Variants in C10orf143 observed in about 807,000 individuals in gnomAD.
C10orf143 encodes chromosome 10 open reading frame 143, also known as uncharacterized protein C10orf143.
At chr10:130,073,493 C>T (rs992174821) in intron 3 of C10orf143, among the ~76,000 whole-genome samples, 13 of 152,194 alleles carry the variant, frequency 8.5e-5, no homozygotes, top group Non-Finnish European at 1.5e-5. Context: ...CAGTTCCCAG[C>T]CCTGGGTGCA....
At chr10:130,100,127 C>T (rs754475257) in intron 1 of C10orf143, among the ~76,000 whole-genome samples, 24 of 151,984 alleles carry the variant, frequency 1.6e-4, no homozygotes, top group Non-Finnish European at 2.4e-4. Flanking sequence ...TGAGCCACCG[C>T]GCCCGGGCTT....
chr10:130,040,341 C>A (rs900532464), intron 3 of C10orf143, among the ~76,000 whole-genome samples: 1 of 152,212 alleles, frequency 6.6e-6, no homozygotes, highest in African/African-American at 2.4e-5. Context: ...CCTAGCCTGC[C>A]GTGCAAGCGT....
intron 3 of C10orf143, among the ~76,000 whole-genome samples, chr10:130,075,956 G>A (rs1468270244): frequency 6.7e-6 from 1 of 149,792 alleles, no homozygotes; most frequent in Non-Finnish European, 1.5e-5. Context: ...GGTAGTTTTT[G>A]TGTGTGTATG....
At chr10:130,074,924 C>T (rs1289246821) in intron 3 of C10orf143, among the ~76,000 whole-genome samples, 1 of 151,984 alleles carries the variant, frequency 6.6e-6, no homozygotes, top group African/African-American at 2.4e-5. Flanking sequence ...TGGCTGACTC[C>T]ACACACACAG....
intron 3 of C10orf143, among the ~76,000 whole-genome samples, chr10:130,045,732 G>A (rs564485974): frequency 6.6e-6 from 1 of 152,354 alleles, no homozygotes; most frequent in Non-Finnish European, 1.5e-5. Flanking sequence ...TCACAGCCAC[G>A]TCCCGCCACG....
chr10:130,061,329 CA>C (rs1860855634), downstream of C10orf143, among the ~76,000 whole-genome samples: 1 of 151,968 alleles, frequency 6.6e-6, no homozygotes, highest in African/African-American at 2.4e-5. Flanking sequence ...GTATGGATTT[CA>C]AGTATACTTT....
At chr10:130,089,027 C>T (rs1251622866) in intron 1 of C10orf143, among the ~76,000 whole-genome samples, 1 of 152,144 alleles carries the variant, frequency 6.6e-6, no homozygotes, top group Non-Finnish European at 1.5e-5. Context: ...AGCTTTCAGT[C>T]CACACTCTTG....
At chr10:130,087,022 G>A (rs1861301504) in intron 1 of C10orf143, among the ~76,000 whole-genome samples, 1 of 152,230 alleles carries the variant, frequency 6.6e-6, no homozygotes. Context: ...GCCATACTCT[G>A]CCACCAAGGC....
chr10:130,107,763 G>A (rs899381181), intron 1 of C10orf143: 9 of 1,237,738 alleles, frequency 7.3e-6, no homozygotes, highest in East Asian at 2.3e-5. Context: ...AAGGAAAGAG[G>A]AGAATCAAGC....
chr10:130,096,223 A>C (rs893659319), intron 1 of C10orf143, among the ~76,000 whole-genome samples: 12 of 152,192 alleles, frequency 7.9e-5, no homozygotes, highest in African/African-American at 2.7e-4. Context: ...AGAGAGATGC[A>C]AACCAAACCA....
intron 1 of C10orf143, chr10:130,106,951 C>T: frequency 1.0e-6 from 1 of 999,972 alleles, no homozygotes; most frequent in South Asian, 1.3e-5. Context: ...ATGGTGCTTA[C>T]TTAGATGATC....
intron 1 of C10orf143, chr10:130,106,538 TTGA>T: frequency 6.3e-7 from 1 of 1,596,616 alleles, no homozygotes. Flanking sequence ...ACAAAATGAA[TTGA>T]TGGCGGATAT....
At chr10:130,099,973 G>C (rs1278168011) in intron 1 of C10orf143, among the ~76,000 whole-genome samples, 1 of 150,880 alleles carries the variant, frequency 6.6e-6, no homozygotes, top group Non-Finnish European at 1.5e-5. Flanking sequence ...GAGTAGCTGG[G>C]ATTACAGGCA....
chr10:130,045,899 C>T (rs1860663932), intron 3 of C10orf143, among the ~76,000 whole-genome samples: 1 of 152,152 alleles, frequency 6.6e-6, no homozygotes, highest in Admixed American at 6.5e-5. Flanking sequence ...AACGTGCCTG[C>T]CACGTGCGGG....
intron 1 of C10orf143, among the ~76,000 whole-genome samples, chr10:130,092,862 A>G (rs1000057440): frequency 3.3e-5 from 5 of 152,192 alleles, no homozygotes; most frequent in South Asian, 2.1e-4. Context: ...CAACAAGAAG[A>G]GCTAACTATC....
intron 3 of C10orf143, among the ~76,000 whole-genome samples, chr10:130,038,272 C>T (rs1273138320): frequency 1.3e-5 from 2 of 152,188 alleles, no homozygotes; most frequent in Admixed American, 6.5e-5. Flanking sequence ...GGGTTCGGGA[C>T]TGCTCATTTG....
chr10:130,106,196 G>A (rs1455871262), intron 1 of C10orf143: 3 of 1,026,378 alleles, frequency 2.9e-6, no homozygotes, highest in Admixed American at 1.8e-5. Context: ...AGCTGTTGCT[G>A]CATTTTTTGC....
At chr10:130,104,079 T>G (rs767817169) in intron 1 of C10orf143, 1 of 152,148 alleles carries the variant, frequency 6.6e-6, no homozygotes, top group Non-Finnish European at 1.5e-5. Flanking sequence ...GCAGGGGCAC[T>G]TACTGTGTAA....
intron 3 of C10orf143, among the ~76,000 whole-genome samples, chr10:130,039,160 C>T (rs1860578214): frequency 6.6e-6 from 1 of 152,174 alleles, no homozygotes; most frequent in Non-Finnish European, 1.5e-5. Flanking sequence ...CCAGCCAGTG[C>T]TACTCTGTCC....
Sources: allele counts gnomAD v4.1 joint callset (sites outside exome capture counted in the v4.1 genomes callset), GRCh38; gene constraint gnomAD v4.1.1; transcripts MANE v1.5; gene names NCBI Gene and HGNC (gene_info 2026-07-23, HGNC 2026-07-21).